The following TMTC1 variants were observed in gnomAD, a reference collection of about 807,000 sequenced individuals.
TMTC1 encodes the protein protein O-mannosyl-transferase TMTC1.
TMTC1 carries 73 observed loss-of-function variants against 104.8 expected under a neutral mutation model. The ratio of observed to expected loss-of-function variants is 0.70; its 90% CI spans 0.58 to 0.85. TMTC1 has a LOEUF of 0.85. Among genes scored for constraint, TMTC1 ranks in the 40% least tolerant of loss-of-function variants. The pLI is 0.00. For missense variants in TMTC1, 1,035 were observed against 1,096.1 expected (o/e 0.94, Z 0.79); for synonymous variants, 434 against 428.7 (o/e 1.01, Z -0.15).
chr12:29,507,097 A>C, intron 17 of TMTC1, 111 bp from the exon 18 acceptor site: 15 of 865,312 alleles, frequency 1.7e-5, no homozygotes, highest in Non-Finnish European at 2.8e-5. Context: ...TAATGTTCTC[A>C]TATGGAAACT....
At chr12:29,526,167 T>C (rs1259917611) in intron 11 of TMTC1, among the ~76,000 whole-genome samples, 2 of 152,194 alleles carry the variant, frequency 1.3e-5, no homozygotes, top group African/African-American at 2.4e-5. Flanking sequence ...TTTAGAATAG[T>C]CACCATACCA....
chr12:29,695,793 TTATA>T lies in TMTC1; in HGVS notation c.938+55869_938+55872del, dbSNP rs113135039. On this transcript the variant is annotated intron_variant, in intron 5 of 17. Transcript: ENST00000539277. ...TCACAAATTTTAAACTACTTCCTTT[TTATA>T]TATATATATATATATATATATATAT... Among the ~76,000 whole-genome samples the T allele has an allele frequency of 1.0e-3, 86 of 83,800 alleles. 1 individual carries two copies. Among genetic ancestry groups the T allele is most frequent in the Middle Eastern group, 0.016 (2 of 126 alleles). 55.0% of individuals were successfully genotyped at this position (83,800 alleles called of 152,430 possible).
At chr12:29,699,648 G>GT (rs1565778277) in intron 5 of TMTC1, among the ~76,000 whole-genome samples, 1 of 128,528 alleles carries the variant, frequency 7.8e-6, no homozygotes, top group African/African-American at 2.9e-5. Flanking sequence ...TTCATCTGGT[G>GT]CTTTTTTTTT....
At chr12:29,637,255 C>A (rs1229044291) in intron 5 of TMTC1, among the ~76,000 whole-genome samples, 1 of 152,152 alleles carries the variant, frequency 6.6e-6, no homozygotes, top group Non-Finnish European at 1.5e-5. Context: ...CTTTTTAATT[C>A]TTTCACTATG....
Position 29,699,097 on chromosome 12 carries a change from T to A in TMTC1, c.938+52569A>T, listed in dbSNP as rs181151283. Among the ~76,000 whole-genome samples the A allele has an allele frequency of 6.6e-5, 10 of 152,312 alleles. No homozygotes were observed. The East Asian group carries it at 1.7e-3, about 26-fold the overall frequency. On this transcript the variant is annotated intron_variant, in intron 5 of 17. Transcript: ENST00000539277. Reference sequence around the variant, plus strand: ...CCCCCCAAGATGTTCAACTTAGTAATGCCTTATCGTGTTCCAAGGCAGAAG... The same window carrying A: ...CCCCCCAAGATGTTCAACTTAGTAAAGCCTTATCGTGTTCCAAGGCAGAAG...
In TMTC1 at chr12:29,736,783, C is replaced by T. The variant is rs568101629; in HGVS notation, c.938+14883G>A. On this transcript the variant is annotated intron_variant, in intron 5 of 17. Transcript: ENST00000539277. ...ACTCACTAGTGCGCCACCATGACTA[C>T]GTGCAACACTGTGCTGGCATGCCCA... 5.9e-5 allele frequency among the ~76,000 whole-genome samples: 9 copies of T among 152,338 alleles called. No homozygotes were observed. In the South Asian group the frequency reaches 1.0e-3, roughly 18 times the overall value.
At chr12:29,660,904 A>G (rs758606002) in intron 5 of TMTC1, 2 of 1,453,812 alleles carry the variant, frequency 1.4e-6, no homozygotes, top group South Asian at 2.7e-5. Context: ...GGAAAGAAAA[A>G]AAATCTTAGA....
chr12:29,701,092 GC>G (rs1941578881), intron 5 of TMTC1, among the ~76,000 whole-genome samples: 2 of 146,698 alleles, frequency 1.4e-5, no homozygotes, highest in Non-Finnish European at 3.0e-5. Flanking sequence ...TGAGAGTCTT[GC>G]TTTTGCCAGC....
chr12:29,736,714 G>A lies in TMTC1; in HGVS notation c.938+14952C>T, dbSNP rs183163200. On this transcript the variant is annotated intron_variant, in intron 5 of 17. Transcript: ENST00000539277. ...ATTACAGGCGTAAGCCACCAGGCCC[G>A]GCCTAAATTCTCTCTCTTAAAAAAC... Among the ~76,000 whole-genome samples the A allele has an allele frequency of 7.9e-5, 12 of 152,200 alleles. No homozygotes were observed. The East Asian group carries it at 1.7e-3, about 22-fold the overall frequency.
In TMTC1 at chr12:29,506,829, T is replaced by C; in HGVS notation, c.*17A>G. On this transcript the variant is annotated 3_prime_UTR_variant, in exon 18 of 18. Transcript: ENST00000539277. ...GAGGCACCACATTATCCTATGAGGTTGGGTCAGACGGTGGTGCTATGTTTG... is the reference window on the plus strand; with the variant it reads ...GAGGCACCACATTATCCTATGAGGTCGGGTCAGACGGTGGTGCTATGTTTG... 1 of 1,613,960 alleles carries C rather than the reference T, an allele frequency of 6.2e-7. No individual in the cohort carries two copies. Among genetic ancestry groups the C allele is most frequent in the Non-Finnish European group, 8.5e-7 (1 of 1,179,864 alleles).
intron 5 of TMTC1, among the ~76,000 whole-genome samples, chr12:29,699,628 C>T (rs374848904): frequency 5.1e-4 from 75 of 146,170 alleles, no homozygotes; most frequent in African/African-American, 1.8e-3. Flanking sequence ...GCACAAAATA[C>T]ATCCAGTTCT....
Position 29,520,739 on chromosome 12 carries a change from A to T in TMTC1, c.1786-19T>A, listed in dbSNP as rs762257749. ...ACCGCTCCTTTAAAAAGAAAGAAACAAACAAAATAAGTGAGAAAGCTTTCT... is the reference window on the plus strand; with the variant it reads ...ACCGCTCCTTTAAAAAGAAAGAAACTAACAAAATAAGTGAGAAAGCTTTCT... On this transcript the variant is annotated intron_variant, in intron 11 of 17. Coordinates refer to ENST00000539277, the MANE Select transcript of TMTC1 (RefSeq NM_001193451.2). 5 of 1,587,382 alleles carry T rather than the reference A, an allele frequency of 3.1e-6. No homozygotes were observed. In the Admixed American group the frequency reaches 8.9e-5, roughly 28 times the overall value.
At chr12:29,681,666 C>CG (rs1940923863) in intron 5 of TMTC1, among the ~76,000 whole-genome samples, 1 of 151,780 alleles carries the variant, frequency 6.6e-6, no homozygotes, top group South Asian at 2.1e-4. Flanking sequence ...AGGCCCCTCC[C>CG]CCTCCCACCC....
At chr12:29,641,666 T>C (rs562540845) in intron 5 of TMTC1, among the ~76,000 whole-genome samples, 3 of 152,080 alleles carry the variant, frequency 2.0e-5, no homozygotes, top group Non-Finnish European at 4.4e-5. Context: ...ACCCTGATAA[T>C]ATGACAAAAC....
chr12:29,769,413 A>G (rs1180807588), intron 1 of TMTC1, among the ~76,000 whole-genome samples: 1 of 152,190 alleles, frequency 6.6e-6, no homozygotes, highest in Non-Finnish European at 1.5e-5. Context: ...TCCTCAATAC[A>G]GGAGCCTGGT....
intron 9 of TMTC1, among the ~76,000 whole-genome samples, chr12:29,560,696 T>C (rs1481025985): frequency 6.6e-6 from 1 of 152,226 alleles, no homozygotes; most frequent in Non-Finnish European, 1.5e-5. Flanking sequence ...TTGGGTACTT[T>C]AGTTACTGGA....
At chr12:29,554,057 T>C (rs1383554068) in intron 10 of TMTC1, among the ~76,000 whole-genome samples, 2 of 152,150 alleles carry the variant, frequency 1.3e-5, no homozygotes, top group Non-Finnish European at 2.9e-5. Flanking sequence ...CCAAAAGACA[T>C]TTACAGGATT....
rs567744989 is a variant in TMTC1 at position 29,689,343 on chromosome 12, C to T, written c.939-56007G>A. ...GTCACCCAGGCTGGAGTGCAGTGGT[C>T]TCACTCTGTTGCCGAGGCTGGAGTG... On this transcript the variant is annotated intron_variant, in intron 5 of 17. Coordinates refer to ENST00000539277, the MANE Select transcript of TMTC1 (RefSeq NM_001193451.2). Among the ~76,000 whole-genome samples, 7 of 151,686 alleles carry T rather than the reference C, an allele frequency of 4.6e-5. 1 individual carries two copies. Among genetic ancestry groups the T allele is most frequent in the African/African-American group, 1.7e-4 (7 of 41,332 alleles).
chr12:29,609,286 A>C (rs1275104785), intron 6 of TMTC1, among the ~76,000 whole-genome samples: 1 of 152,190 alleles, frequency 6.6e-6, no homozygotes. Context: ...TCCACAGGGA[A>C]GCTGATGACA....
Sources: gnomAD v4.1 joint callset for allele counts (sites outside exome capture counted in the v4.1 genomes callset) on GRCh38, gnomAD v4.1.1 for gene constraint, MANE v1.5 for transcripts, NCBI Gene and HGNC (gene_info 2026-07-23, HGNC 2026-07-21) for gene names.